CHODL: variants seen among roughly 807,000 people sequenced by gnomAD.
The protein encoded by CHODL is transmembrane protein MT75.
In CHODL, 29 loss-of-function variants were observed where a neutral mutation model predicts 34.5. The observed-to-expected ratio is 0.84, with a 90% CI of 0.63 to 1.15. CHODL has a LOEUF of 1.15. CHODL is among the 50% of genes most tolerant of loss of function. The pLI is 0.00. For missense variants in CHODL, 332 were observed against 332.5 expected (o/e 1.00, Z 0.01); for synonymous variants, 125 against 116.1 (o/e 1.08, Z -0.49).
chr21:18,152,850 G>A (rs2254058), intron 2 of CHODL, among the ~76,000 whole-genome samples: 36,701 of 152,126 alleles, frequency 0.24, 4,881 homozygotes, highest in African/African-American at 0.36. Flanking sequence ...TTGCCAGCCT[G>A]TAACTATTAG....
At chr21:18,009,887 CAAA>C (rs71189575) in intron 1 of CHODL, among the ~76,000 whole-genome samples, 1 of 94,796 alleles carries the variant, frequency 1.1e-5, no homozygotes, top group Non-Finnish European at 2.0e-5. Flanking sequence ...GACTCCGTCT[CAAA>C]AAAAAAAAAA....
chr21:18,118,494 T>G (rs563934495), intron 2 of CHODL, among the ~76,000 whole-genome samples: 1 of 152,308 alleles, frequency 6.6e-6, no homozygotes, highest in Admixed American at 6.5e-5. Context: ...TATCCATCAT[T>G]ATCATCTAAT....
At chr21:17,918,645 T>C (rs2063160022) in intron 1 of CHODL, among the ~76,000 whole-genome samples, 1 of 152,144 alleles carries the variant, frequency 6.6e-6, no homozygotes, top group African/African-American at 2.4e-5. Flanking sequence ...AGACAAAGCA[T>C]ATCATTCTAC....
chr21:17,989,822 C>T (rs1039678040), intron 1 of CHODL, among the ~76,000 whole-genome samples: 17 of 152,104 alleles, frequency 1.1e-4, no homozygotes, highest in African/African-American at 3.1e-4. Context: ...TTGTCAAACT[C>T]GTTGATTGAA....
At chr21:17,929,523 A>C (rs1331735604) in intron 1 of CHODL, among the ~76,000 whole-genome samples, 1 of 152,232 alleles carries the variant, frequency 6.6e-6, no homozygotes, top group East Asian at 1.9e-4. Flanking sequence ...GGAATTATGG[A>C]AAGCAAAGAA....
At chr21:18,123,043 G>A (rs1451011792) in intron 2 of CHODL, among the ~76,000 whole-genome samples, 1 of 152,176 alleles carries the variant, frequency 6.6e-6, no homozygotes, top group East Asian at 1.9e-4. Context: ...ACATCAAAAC[G>A]TCTGACTGAG....
intron 2 of CHODL, among the ~76,000 whole-genome samples, chr21:18,156,994 G>T (rs1202150715): frequency 6.6e-6 from 1 of 152,190 alleles, no homozygotes; most frequent in Non-Finnish European, 1.5e-5. Context: ...CTCACAACAT[G>T]GCAGCTTACA....
rs139445826 is a variant in CHODL at position 18,225,436 on chromosome 21, G to T, written c.-44-31073G>T. ...CATTAGAAAAAAATCTGATAAAACT[G>T]TGTAACTTAATTATGTATTATTATT... On this transcript the variant is annotated intron_variant, in intron 2 of 6. Coordinates refer to the CHODL transcript ENST00000400127. Among the ~76,000 whole-genome samples, 644 of 152,134 alleles carry T rather than the reference G, an allele frequency of 4.2e-3. 3 individuals are homozygous for T. Among genetic ancestry groups the T allele is most frequent in the Non-Finnish European group, 7.1e-3 (481 of 67,968 alleles).
intron 2 of CHODL, among the ~76,000 whole-genome samples, chr21:18,028,729 G>GTC (rs1470624764): frequency 2.0e-5 from 3 of 147,976 alleles, no homozygotes; most frequent in Non-Finnish European, 4.5e-5. Flanking sequence ...AAAAGAACTA[G>GTC]TCTTGTTAAC....
rs550885234 is a variant in CHODL at position 18,081,988 on chromosome 21, A to G, written c.-45+54017A>G. ...TTTGCATATGTTTAACCATCCGTAC[A>G]TCTCTGGAATAAATCCCACCTGATC... On this transcript the variant is annotated intron_variant, in intron 2 of 6. Coordinates refer to the CHODL transcript ENST00000400127. Among the ~76,000 whole-genome samples, 12 of 152,326 alleles carry G rather than the reference A, an allele frequency of 7.9e-5. No homozygotes were observed. In the South Asian group the frequency reaches 2.3e-3, roughly 29 times the overall value.
rs1489097328 is a variant in CHODL, at chr21:18,245,151, A to G, written c.-73A>G. On this transcript the variant is annotated 5_prime_UTR_variant, in exon 1 of 6. Coordinates refer to ENST00000299295, the MANE Select transcript of CHODL (RefSeq NM_024944.3). Reference sequence around the variant, plus strand: ...AGGGAGGCAGGGAGGCTGCAGAGTCAGAGTCGCGGGCTGCGCCCTGGGCAG... The same window carrying G: ...AGGGAGGCAGGGAGGCTGCAGAGTCGGAGTCGCGGGCTGCGCCCTGGGCAG... 1.1e-5 allele frequency: 14 copies of G among 1,278,392 alleles called. No individual in the cohort carries two copies. The highest frequency in any genetic ancestry group is 1.5e-5 in the Non-Finnish European group (14 of 950,924). 79.2% of individuals were successfully genotyped at this position (1,278,392 alleles called of 1,614,324 possible).
intron 2 of CHODL, among the ~76,000 whole-genome samples, chr21:18,187,234 T>C (rs1289147007): frequency 1.3e-5 from 2 of 152,178 alleles, no homozygotes; most frequent in Non-Finnish European, 2.9e-5. Flanking sequence ...ATACACCCAG[T>C]GTTCTAGCCA....
chr21:18,025,446 C>A (rs117601587), intron 1 of CHODL, among the ~76,000 whole-genome samples: 5,726 of 152,152 alleles, frequency 0.038, 137 homozygotes, highest in Middle Eastern at 0.054. Flanking sequence ...CTCTGGCTAT[C>A]ATCTTATTTT....
intron 1 of CHODL, among the ~76,000 whole-genome samples, chr21:18,003,132 A>C (rs1363285896): frequency 4.7e-5 from 6 of 128,996 alleles, no homozygotes; most frequent in East Asian, 2.0e-4. Flanking sequence ...AAAAAAAAAA[A>C]AAACAAAAAA....
intron 1 of CHODL, among the ~76,000 whole-genome samples, chr21:18,017,659 C>T (rs1428313148): frequency 6.6e-6 from 1 of 152,138 alleles, no homozygotes; most frequent in African/African-American, 2.4e-5. Context: ...GAGGCAGAGC[C>T]CTCACAGAGA....
intron 1 of CHODL, among the ~76,000 whole-genome samples, chr21:18,249,293 C>G (rs1461993421): frequency 1.3e-5 from 2 of 150,708 alleles, no homozygotes; most frequent in Admixed American, 1.3e-4. Flanking sequence ...ACTATTTTAA[C>G]ATATTCCTCA....
chr21:17,930,180 G>C lies in CHODL; in HGVS notation c.-145+12780G>C, dbSNP rs538120160. 2.3e-3 allele frequency among the ~76,000 whole-genome samples: 348 copies of C among 152,296 alleles called. 3 individuals carry two copies. Among genetic ancestry groups the C allele is most frequent in the African/African-American group, 8.0e-3 (334 of 41,570 alleles). On this transcript the variant is annotated intron_variant, in intron 1 of 6. Transcript: ENST00000400127. ...GGATACCACCACTGTTTCTGTGGGAGGAAGGTGTGAGTGGGCCAAAGGCCC... is the reference window on the plus strand; with the variant it reads ...GGATACCACCACTGTTTCTGTGGGACGAAGGTGTGAGTGGGCCAAAGGCCC...
At position 18,051,700 on chromosome 21, in the gene CHODL, G is replaced by A. The variant is rs1220278884; in HGVS notation, c.-45+23729G>A. Among the ~76,000 whole-genome samples, 4 of 152,036 alleles carry A rather than the reference G, an allele frequency of 2.6e-5. No homozygotes were observed. In the South Asian group the frequency reaches 8.3e-4, roughly 31 times the overall value. On this transcript the variant is annotated intron_variant, in intron 2 of 6. Coordinates refer to the CHODL transcript ENST00000400127. ...GAAATGTTTGGTTCCTCTGGCTTTA[G>A]TAATTTAGTGAGTTTAGTGATTTAG...
intron 2 of CHODL, among the ~76,000 whole-genome samples, chr21:18,178,184 A>G (rs2073339560): frequency 6.6e-6 from 1 of 152,202 alleles, no homozygotes; most frequent in Non-Finnish European, 1.5e-5. Flanking sequence ...TTTCCTAACT[A>G]TATACCAGAC....
Sources: allele counts gnomAD v4.1 joint callset (sites outside exome capture counted in the v4.1 genomes callset), GRCh38; gene constraint gnomAD v4.1.1; transcripts MANE v1.5; gene names NCBI Gene and HGNC (gene_info 2026-07-23, HGNC 2026-07-21).